Variants in RAI14 observed in about 807,000 individuals in gnomAD.
RAI14 encodes ankycorbin.
Under a neutral mutation model 115.4 loss-of-function variants are expected in RAI14, and 45 were observed. That is an observed-to-expected ratio of 0.39 (90% CI 0.31 to 0.50). The LOEUF (loss-of-function observed/expected upper bound fraction) is 0.50. RAI14 is among the 20% of genes least tolerant of loss of function. The pLI is 0.85. For synonymous variants in RAI14, 371 were observed against 415.4 expected (o/e 0.89, Z 1.30); for missense variants, 939 against 1,131.2 (o/e 0.83, Z 2.44).
chr5:34,814,722 A>G, intron 12 of RAI14, 53 bp downstream of exon 12: 1 of 1,366,964 alleles, frequency 7.3e-7, no homozygotes, highest in Non-Finnish European at 1.0e-6. Context: ...TACATGATAG[A>G]CTTGCTTTAA....
At chr5:34,735,522 C>T (rs560203618) in intron 2 of RAI14, among the ~76,000 whole-genome samples, 2 of 152,284 alleles carry the variant, frequency 1.3e-5, no homozygotes, top group Admixed American at 1.3e-4. Context: ...ACTGAATGCA[C>T]TAAATATTAC....
intron 13 of RAI14, 38 bp downstream of exon 13, chr5:34,818,889 A>G: frequency 6.5e-7 from 1 of 1,549,598 alleles, no homozygotes; most frequent in Non-Finnish European, 8.8e-7. Flanking sequence ...TTTTCCTTCA[A>G]CCAAACTATT....
intron 2 of RAI14, among the ~76,000 whole-genome samples, chr5:34,752,749 G>GTGTATATA (rs371462831): frequency 5.6e-5 from 6 of 107,052 alleles, no homozygotes; most frequent in African/African-American, 1.9e-4. Context: ...GTGTGTGTGT[G>GTGTATATA]TATATATATA....
At chr5:34,774,941 C>T (rs13155829) in intron 3 of RAI14, among the ~76,000 whole-genome samples, 47,322 of 151,892 alleles carry the variant, frequency 0.31, 7,944 homozygotes, top group Middle Eastern at 0.41. Context: ...TAGAGCGGAA[C>T]AGAGAACCCA....
chr5:34,804,336 C>A (rs1754615011), intron 5 of RAI14, among the ~76,000 whole-genome samples: 1 of 152,188 alleles, frequency 6.6e-6, no homozygotes, highest in Non-Finnish European at 1.5e-5. Context: ...GTAATGATCC[C>A]TTAAAGTGAC....
At chr5:34,689,437 G>A (rs946612023) in intron 2 of RAI14, among the ~76,000 whole-genome samples, 1 of 152,044 alleles carries the variant, frequency 6.6e-6, no homozygotes, top group African/African-American at 2.4e-5. Flanking sequence ...AATCTAGGGA[G>A]TAGCTTTAAA....
chr5:34,816,241 A>G (rs187151863), intron 12 of RAI14, among the ~76,000 whole-genome samples: 8 of 152,314 alleles, frequency 5.3e-5, no homozygotes, highest in Admixed American at 5.2e-4. Context: ...ACTTTTTTAT[A>G]AATCTTAAAT....
intron 15 of RAI14, among the ~76,000 whole-genome samples, chr5:34,824,872 A>G (rs558450259): frequency 7.1e-6 from 1 of 140,090 alleles, no homozygotes; most frequent in South Asian, 2.4e-4. Context: ...TGAACCCAGG[A>G]GGTGGAGGTT....
At chr5:34,805,925 ACTGTGTTT>A (rs1340812975) in intron 5 of RAI14, among the ~76,000 whole-genome samples, 1 of 152,098 alleles carries the variant, frequency 6.6e-6, no homozygotes, top group East Asian at 1.9e-4. Context: ...CCTTTCTCAT[ACTGTGTTT>A]CTTGGGCACT....
chr5:34,745,008 GTC>G (rs1201387425), intron 2 of RAI14, among the ~76,000 whole-genome samples: 1 of 152,182 alleles, frequency 6.6e-6, no homozygotes, highest in African/African-American at 2.4e-5. Context: ...ATGCCTTTGA[GTC>G]TCTCTCTCCT....
At chr5:34,822,273 T>TATATATATATAA (rs1444000889) in intron 14 of RAI14, among the ~76,000 whole-genome samples, 186 of 146,238 alleles carry the variant, frequency 1.3e-3, no homozygotes, top group African/African-American at 4.5e-3. Context: ...TATATATATA[T>TATATATATATAA]AAAATATTAT....
At chr5:34,727,998 G>C (rs1743687356) in intron 2 of RAI14, among the ~76,000 whole-genome samples, 1 of 152,190 alleles carries the variant, frequency 6.6e-6, no homozygotes, top group Non-Finnish European at 1.5e-5. Context: ...ACCTGGGAAA[G>C]CCACAGACAC....
chr5:34,750,941 C>A (rs1026656256), intron 2 of RAI14, among the ~76,000 whole-genome samples: 4 of 139,306 alleles, frequency 2.9e-5, no homozygotes, highest in Admixed American at 1.5e-4. Context: ...CAACCTTTGC[C>A]TCCCAGGTTC....
chr5:34,799,756 C>T (rs533986044), intron 4 of RAI14, among the ~76,000 whole-genome samples: 3 of 143,562 alleles, frequency 2.1e-5, no homozygotes, highest in African/African-American at 7.9e-5. Context: ...GGCACGATCT[C>T]GGCTCACTGC....
chr5:34,686,997 C>G, intron 2 of RAI14, 42 bp downstream of exon 2: 1 of 1,609,842 alleles, frequency 6.2e-7, no homozygotes, highest in South Asian at 1.1e-5. Context: ...TCCTTCTTCT[C>G]CATGGAGCTG....
chr5:34,669,014 G>C (rs1276779081), intron 1 of RAI14, among the ~76,000 whole-genome samples: 1 of 151,960 alleles, frequency 6.6e-6, no homozygotes, highest in Non-Finnish European at 1.5e-5. Flanking sequence ...GTGCCACCAC[G>C]TCCAGCTAAT....
At chr5:34,804,564 T>C (rs563732007) in intron 5 of RAI14, among the ~76,000 whole-genome samples, 216 of 152,354 alleles carry the variant, frequency 1.4e-3, no homozygotes, top group Middle Eastern at 0.014. Flanking sequence ...TTAATTTGGC[T>C]TTGAAATTCT....
intron 2 of RAI14, chr5:34,716,139 A>G: frequency 2.3e-6 from 1 of 425,774 alleles, no homozygotes; most frequent in Non-Finnish European, 4.6e-6. Context: ...GACAAGGCAA[A>G]TAGGCAAATA....
intron 2 of RAI14, among the ~76,000 whole-genome samples, chr5:34,754,920 G>A (rs72730571): frequency 0.083 from 12,708 of 152,194 alleles, 685 homozygotes; most frequent in Non-Finnish European, 0.12. Flanking sequence ...TCATGCGGCC[G>A]TTCCTTTGCT....
Sources: gnomAD v4.1 joint callset for allele counts (sites outside exome capture counted in the v4.1 genomes callset) on GRCh38, gnomAD v4.1.1 for gene constraint, MANE v1.5 for transcripts, NCBI Gene and HGNC (gene_info 2026-07-23, HGNC 2026-07-21) for gene names.